The following DNAH14 variants were observed in gnomAD, a reference collection of about 807,000 sequenced individuals.
DNAH14 encodes the protein axonemal beta dynein heavy chain 14.
Under a neutral mutation model 520.9 loss-of-function variants are expected in DNAH14, and 478 were observed. That is an observed-to-expected ratio of 0.92 (90% CI 0.85 to 0.99). DNAH14 has a LOEUF of 0.99. Ranked by LOEUF, DNAH14 falls within the 50% of genes least tolerant of loss-of-function variation. The pLI, the probability that DNAH14 is intolerant of heterozygous loss-of-function variation, is 0.00. For synonymous variants in DNAH14, 1,581 were observed against 1,757.2 expected (o/e 0.90, Z 2.51); for missense variants, 4,831 against 5,234.5 (o/e 0.92, Z 2.38).
intron 82 of DNAH14, among the ~76,000 whole-genome samples, chr1:225,389,306 A>G (rs2095876460): frequency 6.6e-6 from 1 of 152,228 alleles, no homozygotes; most frequent in African/African-American, 2.4e-5. Flanking sequence ...CAACTAGAAT[A>G]TGGAAGTATT....
At chr1:224,987,118 A>C (rs200712163) in intron 8 of DNAH14, among the ~76,000 whole-genome samples, 1 of 150,084 alleles carries the variant, frequency 6.7e-6, no homozygotes, top group African/African-American at 2.5e-5. Context: ...GAGAGAGAGA[A>C]AGAGACAGAG....
intron 57 of DNAH14, 140 bp downstream of exon 57, chr1:225,303,487 A>G (rs1251421660): frequency 2.9e-6 from 2 of 691,246 alleles, no homozygotes; most frequent in Non-Finnish European, 4.7e-6. Context: ...AAGTGTTTAC[A>G]ATGACTCCCT....
chr1:225,374,786 G>C lies in DNAH14; in HGVS notation c.12417G>C (p.Arg4139=). 3 of 1,551,500 alleles carry C rather than the reference G, an allele frequency of 1.9e-6. No homozygotes were observed. Among genetic ancestry groups the C allele is most frequent in the East Asian group, 4.9e-5 (2 of 40,912 alleles). ...YLIGEVIYGG[R]VIDNWDKRCL... is the part of the protein sequence containing the mutation. Reference sequence around the variant, plus strand: ...TTGGAGAAGTGATTTACGGTGGCCGGGTGATTGATAATTGGGACAAGCGAT... The same window carrying C: ...TTGGAGAAGTGATTTACGGTGGCCGCGTGATTGATAATTGGGACAAGCGAT... The change falls in exon 78 of 86, where the codon CGG becomes CGC. Residue 4139 remains arginine, a synonymous_variant. Coordinates refer to ENST00000682510, the MANE Select transcript of DNAH14 (RefSeq NM_001367479.1).
At chr1:225,154,187 T>C (rs2080802445) in intron 34 of DNAH14, among the ~76,000 whole-genome samples, 1 of 151,714 alleles carries the variant, frequency 6.6e-6, no homozygotes, top group Non-Finnish European at 1.5e-5. Flanking sequence ...TAAAACAGGA[T>C]TGAAAGAAAT....
intron 60 of DNAH14, among the ~76,000 whole-genome samples, chr1:225,315,941 G>A (rs1039296787): frequency 6.6e-6 from 1 of 152,204 alleles, no homozygotes; most frequent in Admixed American, 6.5e-5. Flanking sequence ...CCTTTGCAGA[G>A]CTGCGGCCAC....
At chr1:225,107,038 C>T (rs150758908) in intron 23 of DNAH14, among the ~76,000 whole-genome samples, 3,882 of 152,076 alleles carry the variant, frequency 0.026, 131 homozygotes, top group African/African-American at 0.08. Context: ...ATGGTGGTGA[C>T]GTACAGATGG....
At chr1:225,228,306 G>A (rs1412285372) in intron 41 of DNAH14, among the ~76,000 whole-genome samples, 2 of 152,152 alleles carry the variant, frequency 1.3e-5, no homozygotes, top group Non-Finnish European at 2.9e-5. Flanking sequence ...ATGCCTGCAA[G>A]CCCTTGAAGC....
Position 225,051,536 on chromosome 1 carries a change from C to G in DNAH14, c.2165C>G (p.Thr722Arg). The change falls in exon 17 of 86, where the codon ACA becomes AGA. Residue 722 changes from threonine (T) to arginine (R), a missense_variant. Coordinates refer to ENST00000682510, the MANE Select transcript of DNAH14 (RefSeq NM_001367479.1). ...AAGTTTATAAAGTATTGTACCATGA[C>G]AGAAAAGGCCAAAATCATGAGTATG... ...SHKFIKYCTM[T>R]EKAKIMSMKI... 1 of 1,550,892 alleles carries G rather than the reference C, an allele frequency of 6.4e-7. No individual in the cohort carries two copies. The highest frequency in any genetic ancestry group is 1.2e-5 in the South Asian group (1 of 83,982).
chr1:224,972,153 TC>T (rs74344093), intron 7 of DNAH14, among the ~76,000 whole-genome samples: 8,360 of 152,158 alleles, frequency 0.055, 464 homozygotes, highest in East Asian at 0.23. Flanking sequence ...ACATTTGGCA[TC>T]AATGTCTATA....
At chr1:225,133,864 A>G (rs1196833379) in intron 27 of DNAH14, among the ~76,000 whole-genome samples, 2 of 152,160 alleles carry the variant, frequency 1.3e-5, no homozygotes, top group African/African-American at 2.4e-5. Context: ...TGAGCATGGA[A>G]TGTTTCTCCA....
chr1:225,371,477 T>C (rs931124160), intron 77 of DNAH14, among the ~76,000 whole-genome samples: 1 of 152,104 alleles, frequency 6.6e-6, no homozygotes, highest in African/African-American at 2.4e-5. Flanking sequence ...TTATTCCACA[T>C]AGTCAAACAC....
chr1:225,030,583 A>G (rs2066452553), intron 11 of DNAH14, among the ~76,000 whole-genome samples: 1 of 151,844 alleles, frequency 6.6e-6, no homozygotes, highest in Admixed American at 6.6e-5. Flanking sequence ...TGAGGTATAT[A>G]TTGTTATATG....
intron 1 of DNAH14, among the ~76,000 whole-genome samples, chr1:224,943,003 A>G (rs1326017217): frequency 6.6e-6 from 1 of 152,156 alleles, no homozygotes; most frequent in African/African-American, 2.4e-5. Context: ...TGGTATCAGG[A>G]TGATGCTGGC....
intron 23 of DNAH14, among the ~76,000 whole-genome samples, chr1:225,113,848 G>A (rs1290214349): frequency 3.9e-5 from 6 of 152,084 alleles, no homozygotes; most frequent in Admixed American, 3.3e-4. Context: ...AGTAAATGCT[G>A]CCAGGCTTTG....
intron 17 of DNAH14, among the ~76,000 whole-genome samples, chr1:225,063,428 A>G (rs1297011116): frequency 6.6e-6 from 1 of 152,096 alleles, no homozygotes; most frequent in Non-Finnish European, 1.5e-5. Context: ...TTTTTTAAAA[A>G]CACTTTCCAT....
intron 23 of DNAH14, among the ~76,000 whole-genome samples, chr1:225,102,471 C>T (rs2075585515): frequency 6.6e-6 from 1 of 152,320 alleles, no homozygotes; most frequent in Non-Finnish European, 1.5e-5. Flanking sequence ...ACCACACTGA[C>T]TTCTACAATG....
At chr1:225,054,211 G>A (rs1052442865) in intron 17 of DNAH14, among the ~76,000 whole-genome samples, 13 of 152,130 alleles carry the variant, frequency 8.5e-5, no homozygotes, top group Admixed American at 2.6e-4. Context: ...AATAAAAGGC[G>A]TAGAAATATA....
Position 225,042,972 on chromosome 1 carries a change from G to A in DNAH14, c.1626G>A (p.Gln542=). Residue 542 remains glutamine (Q), a synonymous_variant, in exon 13 of 86, where the codon CAG becomes CAA. Transcript: ENST00000682510. ...AAGAGAACTTTCATGAGTCTGACCA[G>A]TGCCCTGAAGAGTGTGTGATGTTTG... The part of the protein sequence containing the change: ...NSKENFHESD[Q]CPEECVMFED... 2 of 1,551,948 alleles carry A rather than the reference G, an allele frequency of 1.3e-6. No homozygotes were observed. Among genetic ancestry groups the A allele is most frequent in the Non-Finnish European group, 1.7e-6 (2 of 1,147,048 alleles).
At chr1:225,049,808 A>ATCTG (rs1439819007) in intron 15 of DNAH14, among the ~76,000 whole-genome samples, 1 of 151,132 alleles carries the variant, frequency 6.6e-6, no homozygotes, top group African/African-American at 2.4e-5. Context: ...CTATCTATCT[A>ATCTG]TCAATCATCT....
Sources: gnomAD v4.1 joint callset for allele counts (sites outside exome capture counted in the v4.1 genomes callset) on GRCh38, gnomAD v4.1.1 for gene constraint, MANE v1.5 for transcripts, NCBI Gene and HGNC (gene_info 2026-07-23, HGNC 2026-07-21) for gene names.